The following VSX2 variants were observed in gnomAD, a reference collection of about 807,000 sequenced individuals.
VSX2 encodes the protein visual system homeobox 2, also known as ceh-10 homeo domain containing homolog.
VSX2 carries 28 observed loss-of-function variants against 32.1 expected under a neutral mutation model. The observed-to-expected ratio is 0.87, with a 90% confidence interval of 0.65 to 1.20. VSX2 has a LOEUF of 1.20. Ranked by LOEUF, VSX2 falls within the 50% of genes most tolerant of loss-of-function variation. VSX2 has a pLI of 0.00. For synonymous variants in VSX2, 243 were observed against 214.1 expected (o/e 1.14, Z -1.18); for missense variants, 506 against 488.7 (o/e 1.04, Z -0.33).
In VSX2 at chr14:74,260,656, C is replaced by G; in HGVS notation, c.823C>G (p.Gln275Glu). ...ESGRKPEGER[Q>E]ALPKLDKMEQ... ...GGGGAGGAAGCCCGAGGGGGAACGC[C>G]AGGCCCTGCCCAAGCTCGACAAGAT... Residue 275 changes from glutamine to glutamate, a missense_variant, in exon 5 of 5, where the codon CAG (glutamine) becomes GAG (glutamate). Transcript: ENST00000261980. 2 of 1,603,522 alleles carry G rather than the reference C, an allele frequency of 1.2e-6. No individual in the cohort carries two copies. Among genetic ancestry groups the G allele is most frequent in the Non-Finnish European group, 1.7e-6 (2 of 1,175,736 alleles).
rs1333725456 is a variant in VSX2 at position 74,262,352 on chromosome 14, C to G, written c.*1433C>G. 6.6e-6 allele frequency: 1 copy of G among 152,300 alleles called. No homozygotes were observed. The highest frequency in any genetic ancestry group is 1.5e-5 in the Non-Finnish European group (1 of 68,112). The allele number at this position is 152,300 out of a possible 1,614,324, so 9.4% of individuals were successfully genotyped here. The stretch of plus-strand genomic sequence containing the variant: ...GGGAGCACATAGCCCTGTTGACCTG[C>G]CCGATCCAGATTCCCAGGCCAGGCT... On this transcript the variant is annotated 3_prime_UTR_variant, in exon 5 of 5. Transcript: ENST00000261980.
At chr14:74,259,807 G>T in intron 4 of VSX2, 25 bp downstream of exon 4, 1 of 1,455,844 alleles carries the variant, frequency 6.9e-7, no homozygotes, top group Non-Finnish European at 9.0e-7. Flanking sequence ...CCTCCTTGGG[G>T]TCCTGCCCTG....
chr14:74,240,970 C>A (rs1052590287), intron 1 of VSX2, among the ~76,000 whole-genome samples: 3 of 152,194 alleles, frequency 2.0e-5, no homozygotes, highest in African/African-American at 7.2e-5. Context: ...ACAACGAAAT[C>A]TGTTCAAAAC....
intron 4 of VSX2, 48 bp from the exon 5 acceptor site, chr14:74,260,546 G>A (rs886136963): frequency 6.5e-7 from 1 of 1,545,368 alleles, no homozygotes; most frequent in African/African-American, 1.4e-5. Flanking sequence ...GTTCAAGATG[G>A]CTTTCCCAGG....
In VSX2 at chr14:74,246,602, TGTGTGTGCAC is replaced by T. The variant is rs2079193448; in HGVS notation, c.579+1323_579+1332del. ...TAAGCTGGGCGTTGATGTTGAATTGTGTGTGTGCACGTGTGTGCGTGTGTGTAAGCCAAGC... is the reference window on the plus strand; with the variant it reads ...TAAGCTGGGCGTTGATGTTGAATTGTGTGTGTGCGTGTGTGTAAGCCAAGC... On this transcript the variant is annotated intron_variant, in intron 3 of 4. Transcript: ENST00000261980. Among the ~76,000 whole-genome samples the T allele has an allele frequency of 2.0e-5, 3 of 152,352 alleles. 1 individual carries two copies. In the South Asian group the frequency reaches 6.2e-4, roughly 32 times the overall value.
rs145760073 is a variant in VSX2 at position 74,246,201 on chromosome 14, C to T, written c.579+913C>T. 1.1e-3 allele frequency among the ~76,000 whole-genome samples: 170 copies of T among 152,374 alleles called. 1 individual carries two copies. Among genetic ancestry groups the T allele is most frequent in the African/African-American group, 3.7e-3 (154 of 41,592 alleles). On this transcript the variant is annotated intron_variant, in intron 3 of 4. Coordinates refer to ENST00000261980, the MANE Select transcript of VSX2 (RefSeq NM_182894.3). ...ATGAAAGCTGCTCCCATCGCCTGAG[C>T]GGTCCAGAGCTAGTTCATTGCGGAG...
At chr14:74,241,335 G>C in intron 2 of VSX2, 69 bp downstream of exon 2, 1 of 1,524,382 alleles carries the variant, frequency 6.6e-7, no homozygotes, top group Non-Finnish European at 9.0e-7. Flanking sequence ...TCCGGGATCG[G>C]GTCTCTCGGA....
At position 74,239,721 on chromosome 14, in the gene VSX2, G is replaced by C. The variant is rs1414724337; in HGVS notation, c.160G>C (p.Asp54His). 1.3e-6 allele frequency: 2 copies of C among 1,549,324 alleles called. No homozygotes were observed. Among genetic ancestry groups the C allele is most frequent in the Non-Finnish European group, 8.7e-7 (1 of 1,146,718 alleles). The change falls in exon 1 of 5, where the codon GAC (aspartate) becomes CAC (histidine). Residue 54 changes from aspartate (D) to histidine (H), a missense_variant. Asp to His is a moderately conservative substitution (Grantham distance 81, BLOSUM62 -1). Coordinates refer to ENST00000261980, the MANE Select transcript of VSX2 (RefSeq NM_182894.3). ...GAGCTCCCACCCGCGGGCAGCGCTC[G>C]ACGGCCTGGCCCCCGGGCACTTGCT... ...PPSSHPRAAL[D>H]GLAPGHLLAA...
At chr14:74,240,007 G>C in intron 1 of VSX2, 76 bp downstream of exon 1, 1 of 1,520,284 alleles carries the variant, frequency 6.6e-7, no homozygotes, top group Middle Eastern at 2.3e-4. Context: ...GCTCTCGCTT[G>C]CTGGACCAGG....
chr14:74,245,212 A>G lies in VSX2; in HGVS notation c.503A>G (p.Asn168Ser), dbSNP rs750962175. 1.1e-5 allele frequency: 17 copies of G among 1,613,544 alleles called. No homozygotes were observed. In the Admixed American group the frequency reaches 2.0e-4, roughly 19 times the overall value. ...YQLEELEKAF[N>S]EAHYPDVYAR... ...CTAGAGGAGCTGGAGAAGGCATTCA[A>G]CGAAGCCCACTACCCAGACGTCTAT... The change falls in exon 3 of 5, where the codon AAC becomes AGC. Residue 168 changes from asparagine to serine, a missense_variant. Asn to Ser is a conservative substitution (Grantham distance 46). Coordinates refer to ENST00000261980, the MANE Select transcript of VSX2 (RefSeq NM_182894.3).
intron 3 of VSX2, among the ~76,000 whole-genome samples, chr14:74,257,564 T>C (rs528991994): frequency 1.0e-3 from 157 of 152,328 alleles, no homozygotes; most frequent in Non-Finnish European, 1.1e-3. Context: ...TGCAGTGTTC[T>C]GTGACCTCCG....
chr14:74,258,412 G>A (rs546679064), intron 3 of VSX2, among the ~76,000 whole-genome samples: 1 of 152,312 alleles, frequency 6.6e-6, no homozygotes, highest in African/African-American at 2.4e-5. Context: ...GGCCCGGAGG[G>A]AAGGGCGGCG....
intron 2 of VSX2, among the ~76,000 whole-genome samples, chr14:74,242,027 A>G (rs952574731): frequency 6.6e-6 from 1 of 152,172 alleles, no homozygotes; most frequent in Non-Finnish European, 1.5e-5. Flanking sequence ...GCCGACAGGT[A>G]TATCTTGAAA....
chr14:74,250,919 T>C (rs188752139), intron 3 of VSX2, among the ~76,000 whole-genome samples: 2,544 of 151,498 alleles, frequency 0.017, 78 homozygotes, highest in Admixed American at 0.085. Context: ...AATGCTGAGA[T>C]TACAGGCGTG....
intron 3 of VSX2, among the ~76,000 whole-genome samples, chr14:74,255,978 C>G (rs2079260104): frequency 6.6e-6 from 1 of 152,170 alleles, no homozygotes; most frequent in Non-Finnish European, 1.5e-5. Flanking sequence ...TCATGAGGTG[C>G]TGCTGCTGCA....
At chr14:74,249,134 T>A (rs181686919) in intron 3 of VSX2, among the ~76,000 whole-genome samples, 1 of 152,354 alleles carries the variant, frequency 6.6e-6, no homozygotes, top group African/African-American at 2.4e-5. Flanking sequence ...AAACCCTGAG[T>A]CTGAAATTAC....
intron 2 of VSX2, among the ~76,000 whole-genome samples, chr14:74,244,944 AAGT>A (rs1566884511): frequency 1.5e-4 from 5 of 33,668 alleles, no homozygotes; most frequent in African/African-American, 2.9e-4. Flanking sequence ...GAGAGAGAGA[AAGT>A]GTGTGTGTGT....
intron 2 of VSX2, 107 bp from the exon 3 acceptor site, chr14:74,245,058 T>G (rs1472913608): frequency 1.4e-6 from 2 of 1,473,416 alleles, no homozygotes; most frequent in Non-Finnish European, 1.9e-6. Context: ...TGAGCCAGCC[T>G]GGGTTCGGGG....
chr14:74,240,035 T>C, intron 1 of VSX2, 104 bp downstream of exon 1: 1 of 1,454,102 alleles, frequency 6.9e-7, no homozygotes. Context: ...GCGGAAAAGT[T>C]CCTGCCAGGC....
Sources: allele counts gnomAD v4.1 joint callset (sites outside exome capture counted in the v4.1 genomes callset), GRCh38; gene constraint gnomAD v4.1.1; transcripts MANE v1.5; gene names NCBI Gene and HGNC (gene_info 2026-07-23, HGNC 2026-07-21).